RGS6: variants seen among roughly 807,000 people sequenced by gnomAD.
The protein encoded by RGS6 is regulator of G-protein signaling 6.
A neutral mutation model predicts 78.5 loss-of-function variants in RGS6; 30 were observed. The observed-to-expected ratio is 0.38, with a 90% CI of 0.29 to 0.52. RGS6 has a LOEUF of 0.52. Among genes scored for constraint, RGS6 ranks in the 20% least tolerant of loss-of-function variants. The pLI is 0.85. For synonymous variants in RGS6, 206 were observed against 206.0 expected (o/e 1.00, Z 0.00); for missense variants, 495 against 609.7 (o/e 0.81, Z 1.98).
chr14:72,070,600 T>C (rs2094373465), intron 2 of RGS6, among the ~76,000 whole-genome samples: 1 of 152,216 alleles, frequency 6.6e-6, no homozygotes, highest in Non-Finnish European at 1.5e-5. Context: ...GGCCCTGGGC[T>C]TTGTTTCACC....
Position 72,482,676 on chromosome 14 carries a change from C to T in RGS6, c.854+4347C>T, listed in dbSNP as rs535116116. 5.3e-5 allele frequency among the ~76,000 whole-genome samples: 8 copies of T among 152,294 alleles called. No homozygotes were observed. In the East Asian group the frequency reaches 1.2e-3, roughly 22 times the overall value. ...CTTAATATGGTCTCTCACCCTCCAGCAGACTAGTTTGACCTTTTCCACATG... is the reference window on the plus strand; with the variant it reads ...CTTAATATGGTCTCTCACCCTCCAGTAGACTAGTTTGACCTTTTCCACATG... On this transcript the variant is annotated intron_variant, in intron 12 of 17. Transcript: ENST00000553525.
chr14:72,278,933 G>A (rs2061142209), intron 2 of RGS6, among the ~76,000 whole-genome samples: 1 of 152,058 alleles, frequency 6.6e-6, no homozygotes, highest in African/African-American at 2.4e-5. Context: ...CTCTTGTTGT[G>A]TGCTCACGTG....
At chr14:72,368,715 A>T (rs1175247596) in intron 3 of RGS6, among the ~76,000 whole-genome samples, 1 of 152,208 alleles carries the variant, frequency 6.6e-6, no homozygotes, top group East Asian at 1.9e-4. Context: ...GTTAATCAGT[A>T]TTCTTAGTCT....
intron 2 of RGS6, among the ~76,000 whole-genome samples, chr14:71,968,380 T>A (rs2093636300): frequency 6.6e-6 from 1 of 152,214 alleles, no homozygotes; most frequent in Non-Finnish European, 1.5e-5. Context: ...TTTTACAATA[T>A]CCAGACATAG....
rs1418879976 is a variant in RGS6, at chr14:72,454,655, C to T, written c.235+77C>T. 7 of 1,155,680 alleles carry T rather than the reference C, an allele frequency of 6.1e-6. No individual in the cohort carries two copies. The African/African-American group carries it at 9.2e-5, about 15-fold the overall frequency. The allele number at this position is 1,155,680 out of a possible 1,614,324, so 71.6% of individuals were successfully genotyped here. A position where few individuals can be genotyped will look rare whatever the true frequency, so the allele number is the denominator to read the frequency against. ...CATAACCAAGTTCCAAACTAGATTC[C>T]CCTGCCCTCCTGAGAACTGGTCTTG... On this transcript the variant is annotated intron_variant, in intron 4 of 17. Coordinates refer to ENST00000553525, the MANE Select transcript of RGS6 (RefSeq NM_001204424.2).
intron 2 of RGS6, among the ~76,000 whole-genome samples, chr14:72,194,995 G>A (rs2039687461): frequency 6.6e-6 from 1 of 152,140 alleles, no homozygotes; most frequent in South Asian, 2.1e-4. Flanking sequence ...ATCGCTTGAG[G>A]TCAGGAGTTC....
At chr14:72,487,906 A>G (rs1026795649) in intron 12 of RGS6, among the ~76,000 whole-genome samples, 3 of 152,104 alleles carry the variant, frequency 2.0e-5, no homozygotes, top group African/African-American at 4.8e-5. Flanking sequence ...TGAAGGCCAA[A>G]TTGTTCATCC....
At chr14:72,391,466 TC>T (rs1394478283) in intron 3 of RGS6, among the ~76,000 whole-genome samples, 1 of 152,180 alleles carries the variant, frequency 6.6e-6, no homozygotes, top group African/African-American at 2.4e-5. Context: ...GGGTGGGCTT[TC>T]CCCGCAGTGA....
intron 2 of RGS6, among the ~76,000 whole-genome samples, chr14:72,238,376 G>A (rs2051753078): frequency 1.3e-5 from 2 of 152,138 alleles, no homozygotes; most frequent in Non-Finnish European, 2.9e-5. Flanking sequence ...TGGGGCCTTT[G>A]CCAGGAAACT....
chr14:72,453,357 TG>T (rs1179992330), intron 3 of RGS6, among the ~76,000 whole-genome samples: 4 of 151,936 alleles, frequency 2.6e-5, no homozygotes, highest in Admixed American at 1.3e-4. Flanking sequence ...GGCTCATGCC[TG>T]TAATCCCAGC....
intron 2 of RGS6, among the ~76,000 whole-genome samples, chr14:72,325,511 G>A (rs146492366): frequency 0.015 from 2,311 of 152,040 alleles, 63 homozygotes; most frequent in African/African-American, 0.051. Flanking sequence ...TCTTTAATCC[G>A]TCTTGAATTA....
chr14:72,203,150 T>G (rs890529450), intron 2 of RGS6, among the ~76,000 whole-genome samples: 1 of 152,072 alleles, frequency 6.6e-6, no homozygotes, highest in Non-Finnish European at 1.5e-5. Context: ...GCTGGGATTA[T>G]AGGCGTGAGC....
At chr14:72,141,508 G>A (rs1032937984) in intron 2 of RGS6, among the ~76,000 whole-genome samples, 3 of 152,136 alleles carry the variant, frequency 2.0e-5, no homozygotes, top group African/African-American at 7.2e-5. Context: ...ATTCTCTCCG[G>A]GTAATATCTG....
intron 2 of RGS6, among the ~76,000 whole-genome samples, chr14:72,023,505 T>C (rs1004429549): frequency 3.1e-5 from 4 of 128,710 alleles, no homozygotes; most frequent in Non-Finnish European, 5.3e-5. Flanking sequence ...TCTGAAAATG[T>C]TTGCTCAAAA....
intron 2 of RGS6, among the ~76,000 whole-genome samples, chr14:71,981,864 G>A (rs555903972): frequency 1.3e-4 from 19 of 146,448 alleles, no homozygotes; most frequent in Non-Finnish European, 1.8e-4. Flanking sequence ...CCTGGGCAAT[G>A]GTGGGCACCC....
chr14:72,540,273 A>T (rs754579786), intron 17 of RGS6, 179 bp downstream of exon 17: 1 of 1,524,368 alleles, frequency 6.6e-7, no homozygotes, highest in African/African-American at 1.4e-5. Flanking sequence ...TCTTCTAGGG[A>T]TGAAAATGCA....
At chr14:72,157,784 G>C (rs1022371576) in intron 2 of RGS6, among the ~76,000 whole-genome samples, 1 of 152,052 alleles carries the variant, frequency 6.6e-6, no homozygotes, top group Admixed American at 6.6e-5. Flanking sequence ...AGAGTAAGGG[G>C]AACAATGTAA....
chr14:72,070,130 ATTTCTCTCTC>A (rs2094351740), intron 2 of RGS6, among the ~76,000 whole-genome samples: 1 of 151,252 alleles, frequency 6.6e-6, no homozygotes, highest in Non-Finnish European at 1.5e-5. Flanking sequence ...ATTGTGCTTT[ATTTCTCTCTC>A]TCTCTCTCTG....
At chr14:72,306,550 A>C (rs2067286165) in intron 2 of RGS6, among the ~76,000 whole-genome samples, 2 of 152,194 alleles carry the variant, frequency 1.3e-5, no homozygotes, top group Non-Finnish European at 2.9e-5. Context: ...GATTTCTGGG[A>C]GGAGGCCAAA....
Sources: allele counts gnomAD v4.1 joint callset (sites outside exome capture counted in the v4.1 genomes callset), GRCh38; gene constraint gnomAD v4.1.1; transcripts MANE v1.5; gene names NCBI Gene and HGNC (gene_info 2026-07-23, HGNC 2026-07-21).